Variants in ESR2 observed in about 807,000 individuals in gnomAD.
ESR2 encodes the protein estrogen receptor 2.
Under a neutral mutation model 49.6 loss-of-function variants are expected in ESR2, and 36 were observed. The observed-to-expected ratio is 0.73, with a 90% CI of 0.56 to 0.96. The LOEUF (loss-of-function observed/expected upper bound fraction) is 0.96, where lower values mean the gene tolerates loss of function less well. ESR2 is among the 40% of genes least tolerant of loss of function. ESR2 has a pLI of 0.00. For missense variants in ESR2, 714 were observed against 693.0 expected, an observed-to-expected ratio of 1.03 and a Z score of -0.34; for synonymous variants, 320 against 266.1, an observed-to-expected ratio of 1.20 and a Z score of -1.97.
intron 7 of ESR2, among the ~76,000 whole-genome samples, chr14:64,239,844 G>A (rs1401474145): frequency 6.6e-6 from 1 of 152,212 alleles, no homozygotes; most frequent in Non-Finnish European, 1.5e-5. Context: ...GAGAGAGTTA[G>A]AATGTTGTGG....
At chr14:64,294,781 G>A (rs1331458715), upstream of ESR2, among the ~76,000 whole-genome samples, 2 of 152,244 alleles carry the variant, frequency 1.3e-5, no homozygotes, top group African/African-American at 4.8e-5. Context: ...CTTTGGGTTT[G>A]TCAAATCCCC....
At chr14:64,293,846 G>A (rs949372470) in intron 1 of ESR2, among the ~76,000 whole-genome samples, 187 bp downstream of exon 1, 4 of 152,212 alleles carry the variant, frequency 2.6e-5, no homozygotes, top group African/African-American at 9.7e-5. Flanking sequence ...AAGTTAACTT[G>A]CCAGTGTCTT....
intron 6 of ESR2, among the ~76,000 whole-genome samples, chr14:64,255,459 T>G (rs1202109007): frequency 6.6e-6 from 1 of 152,174 alleles, no homozygotes; most frequent in Non-Finnish European, 1.5e-5. Flanking sequence ...AAAACAGGGC[T>G]GTTCTCTACC....
At chr14:64,332,868 C>T (rs530361657) in intron 1 of ESR2, among the ~76,000 whole-genome samples, 1 of 145,240 alleles carries the variant, frequency 6.9e-6, no homozygotes, top group East Asian at 2.2e-4. Flanking sequence ...CAGATAATCA[C>T]AAATCTTTTT....
At chr14:64,295,197 GA>G (rs34379325), upstream of ESR2, among the ~76,000 whole-genome samples, 3,581 of 124,182 alleles carry the variant, frequency 0.029, 82 homozygotes, top group African/African-American at 0.092. Context: ...GCCATTGTGA[GA>G]ACCCCCCAGT....
intron 7 of ESR2, among the ~76,000 whole-genome samples, chr14:64,238,130 G>T (rs1057481945): frequency 6.6e-6 from 1 of 152,002 alleles, no homozygotes; most frequent in Non-Finnish European, 1.5e-5. Flanking sequence ...AAATTCCCTG[G>T]GCTGTGTGCA....
chr14:64,268,683 T>G (rs1366826701), intron 4 of ESR2, 112 bp downstream of exon 4: 1 of 694,448 alleles, frequency 1.4e-6, no homozygotes, highest in Non-Finnish European at 2.6e-6. Context: ...ACGCAAATAC[T>G]TAATTACTAT....
rs367917239 is a variant in ESR2, at chr14:64,285,043, G to A, written c.-90-1968C>T. ...TTTTTGTATTTTTAGTAGAGACGGC[G>A]TTTCACCATGTTGGCCAGGCTCGTC... On this transcript the variant is annotated intron_variant, in intron 1 of 8. Coordinates refer to ENST00000341099, the MANE Select transcript of ESR2 (RefSeq NM_001437.3). Among the ~76,000 whole-genome samples the A allele has an allele frequency of 8.6e-4, 130 of 152,026 alleles. 4 individuals carry two copies. The South Asian group carries it at 0.026, about 30-fold the overall frequency.
chr14:64,229,120 G>A lies in ESR2; in HGVS notation c.*4017C>T, dbSNP rs1257580986. ...TCATGAACCTGAGATGGGACAATGG[G>A]AATAACAGATTATGCATCTTATTTT... On this transcript the variant is annotated 3_prime_UTR_variant, in exon 9 of 9. Transcript: ENST00000341099. 1.3e-5 allele frequency among the ~76,000 whole-genome samples: 2 copies of A among 152,102 alleles called. No individual in the cohort carries two copies. Among genetic ancestry groups the A allele is most frequent in the African/African-American group, 4.8e-5 (2 of 41,412 alleles).
intron 1 of ESR2, among the ~76,000 whole-genome samples, chr14:64,331,840 A>G (rs1017454671): frequency 6.6e-6 from 1 of 150,860 alleles, no homozygotes; most frequent in Non-Finnish European, 1.5e-5. Flanking sequence ...AAAAAAAAAA[A>G]AAAAGAATCC....
At chr14:64,275,020 G>GTA (rs1400246615) in intron 3 of ESR2, among the ~76,000 whole-genome samples, 1 of 152,082 alleles carries the variant, frequency 6.6e-6, no homozygotes, top group Non-Finnish European at 1.5e-5. Flanking sequence ...CTAATATATG[G>GTA]TATATCCTTC....
At chr14:64,234,525 G>C (rs552349982) in intron 8 of ESR2, 1 of 187,472 alleles carries the variant, frequency 5.3e-6, no homozygotes, top group Non-Finnish European at 1.1e-5. Context: ...TGATGCCACC[G>C]AAAGAACAAC....
chr14:64,284,085 A>C (rs2076742292), intron 1 of ESR2, among the ~76,000 whole-genome samples: 4 of 151,376 alleles, frequency 2.6e-5, no homozygotes. Flanking sequence ...CACCACTGTG[A>C]CTGGCTAATT....
chr14:64,228,115 T>C (rs1257557606), downstream of ESR2: 3 of 1,253,104 alleles, frequency 2.4e-6, no homozygotes, highest in Middle Eastern at 2.6e-4. Context: ...TTTAAGAAGA[T>C]ACATTAAAGC....
In ESR2 at chr14:64,235,068, A is replaced by G; in HGVS notation, c.1308T>C (p.Ala436=). The G allele has an allele frequency of 6.2e-7, 1 of 1,614,188 alleles. No homozygotes were observed. The highest frequency in any genetic ancestry group is 1.1e-5 in the South Asian group (1 of 91,080). ...CGCTCTTGGCAATCACCCAAACCAA[A>G]GCATCGGTCACGGCGTTCAGCAAGT... ...LAHLLNAVTD[A]LVWVIAKSGI... is the part of the protein sequence containing the mutation. Residue 436 remains alanine (A), a synonymous_variant, in exon 8 of 9, where the codon GCT becomes GCC. Transcript: ENST00000341099.
chr14:64,260,134 G>A (rs770340178), intron 5 of ESR2: 7 of 574,474 alleles, frequency 1.2e-5, no homozygotes, highest in Admixed American at 8.1e-5. Context: ...GGTATGGGAT[G>A]CATCTAGCCA....
chr14:64,292,933 A>G (rs2076895917), intron 1 of ESR2, among the ~76,000 whole-genome samples: 1 of 152,190 alleles, frequency 6.6e-6, no homozygotes. Context: ...AGAAACTTCT[A>G]TGTCTTGAGC....
chr14:64,242,951 T>A (rs1459120598), intron 7 of ESR2, among the ~76,000 whole-genome samples: 3 of 152,210 alleles, frequency 2.0e-5, no homozygotes, highest in African/African-American at 4.8e-5. Flanking sequence ...AGAAGAGGGC[T>A]TGTGCAGGGA....
chr14:64,242,725 A>C (rs1397494422), intron 7 of ESR2, among the ~76,000 whole-genome samples: 1 of 152,190 alleles, frequency 6.6e-6, no homozygotes, highest in Non-Finnish European at 1.5e-5. Flanking sequence ...TGCTGGCCTC[A>C]CAGAATGAAT....
Sources: allele counts gnomAD v4.1 joint callset (sites outside exome capture counted in the v4.1 genomes callset), GRCh38; gene constraint gnomAD v4.1.1; transcripts MANE v1.5; gene names NCBI Gene and HGNC (gene_info 2026-07-23, HGNC 2026-07-21).